DNAH6: variants seen among roughly 807,000 people sequenced by gnomAD.
The protein encoded by DNAH6 is dynein axonemal heavy chain 6, also known as axonemal beta dynein heavy chain 6.
In DNAH6, 340 loss-of-function variants were observed where a neutral mutation model predicts 491.4. That is an observed-to-expected ratio of 0.69 (90% CI 0.63 to 0.76). The LOEUF (loss-of-function observed/expected upper bound fraction) is 0.76, where lower values mean the gene tolerates loss of function less well. Ranked by LOEUF, DNAH6 falls within the 30% of genes least tolerant of loss-of-function variation. The pLI is 0.00. For synonymous variants in DNAH6, 1,603 were observed against 1,686.1 expected (o/e 0.95, Z 1.21); for missense variants, 4,443 against 4,972.2 (o/e 0.89, Z 3.20).
chr2:84,566,988 C>A (rs975546916), intron 11 of DNAH6, among the ~76,000 whole-genome samples: 1 of 151,790 alleles, frequency 6.6e-6, no homozygotes, highest in African/African-American at 2.4e-5. Flanking sequence ...AATTAGGGAT[C>A]TAAAAATAAA....
At chr2:84,563,680 A>T (rs775411878) in intron 11 of DNAH6, among the ~76,000 whole-genome samples, 36 of 152,150 alleles carry the variant, frequency 2.4e-4, no homozygotes, top group Non-Finnish European at 4.4e-4. Context: ...TTTGCTGTGC[A>T]GGTGCTCTTT....
At chr2:84,536,954 G>A (rs1229232391) in intron 4 of DNAH6, among the ~76,000 whole-genome samples, 19 of 151,950 alleles carry the variant, frequency 1.3e-4, no homozygotes, top group Admixed American at 1.2e-3. Flanking sequence ...TATGTGCATT[G>A]TGTTTTGTCA....
chr2:84,471,010 T>A, the DNAH6 span, among the ~76,000 whole-genome samples: 1 of 152,132 alleles, frequency 6.6e-6, no homozygotes, highest in Non-Finnish European at 1.5e-5. Flanking sequence ...AGCATTTATA[T>A]GGAACATGTT....
intron 70 of DNAH6, among the ~76,000 whole-genome samples, chr2:84,800,368 C>T (rs1678774697): frequency 6.6e-6 from 1 of 152,146 alleles, no homozygotes; most frequent in African/African-American, 2.4e-5. Flanking sequence ...TTTGTTACCT[C>T]CAAAGGATCA....
chr2:84,685,430 G>A lies in DNAH6; in HGVS notation c.7021G>A (p.Glu2341Lys). 6.6e-7 allele frequency: 1 copy of A among 1,519,494 alleles called. No homozygotes were observed. The highest frequency in any genetic ancestry group is 8.9e-7 in the Non-Finnish European group (1 of 1,127,566). 94.1% of individuals were successfully genotyped at this position (1,519,494 alleles called of 1,614,324 possible). A position where few individuals can be genotyped will look rare whatever the true frequency, so the allele number is the denominator to read the frequency against. ...CTTCCATGATCGCTTGATTAATAAT[G>A]AAGATAAGCACTATTTCCATGTTAT... ...RVFHDRLINN[E>K]DKHYFHVILT... is the part of the protein sequence containing the mutation. Residue 2341 changes from glutamate to lysine, a missense_variant, in exon 43 of 77, where the codon GAA becomes AAA. Physicochemically the swap from Glu to Lys is moderately conservative, Grantham distance 56 (BLOSUM62 1). Coordinates refer to ENST00000389394, the MANE Select transcript of DNAH6 (RefSeq NM_001370.2).
chr2:84,714,193 T>C (rs1697316485), intron 57 of DNAH6, among the ~76,000 whole-genome samples: 1 of 152,176 alleles, frequency 6.6e-6, no homozygotes, highest in Non-Finnish European at 1.5e-5. Context: ...CCTCCCAATA[T>C]CCTTAAATAT....
chr2:84,790,040 A>G (rs1677596119), intron 68 of DNAH6, among the ~76,000 whole-genome samples: 1 of 152,216 alleles, frequency 6.6e-6, no homozygotes, highest in Non-Finnish European at 1.5e-5. Flanking sequence ...GAGAAATAAC[A>G]TATATATTTT....
intron 64 of DNAH6, among the ~76,000 whole-genome samples, chr2:84,772,292 G>A (rs985369155): frequency 5.3e-5 from 8 of 152,110 alleles, no homozygotes; most frequent in African/African-American, 1.9e-4. Context: ...AGGAATTGAG[G>A]AACAACAAGG....
chr2:84,640,820 G>T (rs540690675), intron 32 of DNAH6, among the ~76,000 whole-genome samples: 1 of 152,260 alleles, frequency 6.6e-6, no homozygotes, highest in South Asian at 2.1e-4. Flanking sequence ...TCCCCAGCTA[G>T]GCTTAGGATA....
chr2:84,595,573 T>C (rs887630739), intron 17 of DNAH6, 73 bp from the exon 18 acceptor site: 3 of 1,350,850 alleles, frequency 2.2e-6, no homozygotes, highest in African/African-American at 1.5e-5. Flanking sequence ...TTTTAAAAGT[T>C]TTTTTAGTAT....
intron 62 of DNAH6, among the ~76,000 whole-genome samples, chr2:84,736,890 A>G (rs892040895): frequency 1.6e-4 from 24 of 152,192 alleles, no homozygotes; most frequent in African/African-American, 5.3e-4. Context: ...GAGAGTAGAC[A>G]TCTATGTTTT....
intron 49 of DNAH6, among the ~76,000 whole-genome samples, chr2:84,702,254 A>G (rs1267457691): frequency 5.9e-5 from 9 of 152,174 alleles, no homozygotes; most frequent in Non-Finnish European, 1.3e-4. Context: ...AGGCTAAAAG[A>G]AAATCTGTAT....
intron 37 of DNAH6, among the ~76,000 whole-genome samples, chr2:84,668,246 A>C (rs1400379345): frequency 6.6e-6 from 1 of 152,268 alleles, no homozygotes; most frequent in Non-Finnish European, 1.5e-5. Context: ...TAATAATAAA[A>C]AAAAACTTTG....
chr2:84,662,389 G>A (rs901722475), intron 37 of DNAH6, among the ~76,000 whole-genome samples: 2 of 152,104 alleles, frequency 1.3e-5, no homozygotes, highest in Non-Finnish European at 2.9e-5. Context: ...CTGGAAAATC[G>A]GGACACTCCC....
At chr2:84,691,329 A>G (rs1453103240) in intron 45 of DNAH6, among the ~76,000 whole-genome samples, 2 of 152,246 alleles carry the variant, frequency 1.3e-5, no homozygotes, top group African/African-American at 4.8e-5. Context: ...ATCATATTCA[A>G]TATTTCATCA....
chr2:84,699,674 G>T lies in DNAH6; in HGVS notation c.7758G>T (p.Arg2586=). Residue 2586 remains arginine (R), a synonymous_variant, in exon 48 of 77, where the codon CGG becomes CGT. Coordinates refer to ENST00000389394, the MANE Select transcript of DNAH6 (RefSeq NM_001370.2). Reference sequence around the variant, plus strand: ...TGAGCCCAGTTGGGGAGGCCTTTCGGTCCCGATGCAGGATGTTTCCATCCC... The same window carrying T: ...TGAGCCCAGTTGGGGAGGCCTTTCGTTCCCGATGCAGGATGTTTCCATCCC... The part of the protein sequence containing the change: ...LCMSPVGEAF[R]SRCRMFPSLV... 1 of 1,551,778 alleles carries T rather than the reference G, an allele frequency of 6.4e-7. No individual in the cohort carries two copies. Among genetic ancestry groups the T allele is most frequent in the Non-Finnish European group, 8.7e-7 (1 of 1,147,002 alleles).
At chr2:84,502,608 A>G in the DNAH6 span, among the ~76,000 whole-genome samples, 145,341 of 152,270 alleles carry the variant, frequency 0.95, 69,398 homozygotes, top group East Asian at 1. Flanking sequence ...CAATGTCGAA[A>G]TAGGGTGTTG....
At chr2:84,781,439 G>A (rs1573792678) in intron 64 of DNAH6, 54 bp from the exon 65 acceptor site, 2 of 1,423,888 alleles carry the variant, frequency 1.4e-6, no homozygotes, top group African/African-American at 2.9e-5. Flanking sequence ...TCTTCATATT[G>A]ATTTTGCTTT....
intron 60 of DNAH6, among the ~76,000 whole-genome samples, chr2:84,723,976 C>T (rs1212259352): frequency 6.6e-6 from 1 of 152,206 alleles, no homozygotes; most frequent in African/African-American, 2.4e-5. Context: ...GCATCTGCAT[C>T]AGAGGTTCTC....
Sources: allele counts gnomAD v4.1 joint callset (sites outside exome capture counted in the v4.1 genomes callset), GRCh38; gene constraint gnomAD v4.1.1; transcripts MANE v1.5; gene names NCBI Gene and HGNC (gene_info 2026-07-23, HGNC 2026-07-21).